The following LAMP1 variants were observed in gnomAD, a reference collection of about 807,000 sequenced individuals.
The protein encoded by LAMP1 is lysosome associated membrane protein 1.
LAMP1 carries 7 observed loss-of-function variants against 37.5 expected under a neutral mutation model. That is an observed-to-expected ratio of 0.19 (90% confidence interval 0.11 to 0.35). The LOEUF (loss-of-function observed/expected upper bound fraction) is 0.35, where lower values mean the gene tolerates loss of function less well. Ranked by LOEUF, LAMP1 falls within the 10% of genes least tolerant of loss-of-function variation. The pLI is 1.00. For missense variants in LAMP1, 537 were observed against 552.8 expected, an observed-to-expected ratio of 0.97 and a Z score of 0.29; for synonymous variants, 236 against 229.1, an observed-to-expected ratio of 1.03 and a Z score of -0.27.
chr13:113,317,696 C>CTT (rs1223185402), intron 4 of LAMP1, among the ~76,000 whole-genome samples: 18 of 133,392 alleles, frequency 1.3e-4, no homozygotes, highest in African/African-American at 2.0e-4. Flanking sequence ...CGTGAAGCTG[C>CTT]TTTTTTTTTT....
intron 4 of LAMP1, 52 bp downstream of exon 4, chr13:113,310,919 G>T (rs1010983527): frequency 6.6e-7 from 1 of 1,526,412 alleles, no homozygotes; most frequent in South Asian, 1.2e-5. Context: ...TAGCTGGGCT[G>T]CAGTGGCTGC....
intron 1 of LAMP1, among the ~76,000 whole-genome samples, chr13:113,304,371 T>C (rs1410611429): frequency 1.3e-5 from 2 of 152,248 alleles, no homozygotes; most frequent in South Asian, 2.1e-4. Flanking sequence ...CTGCTGTGTC[T>C]GCCTGTCCGC....
intron 1 of LAMP1, among the ~76,000 whole-genome samples, chr13:113,298,985 C>T (rs570461844): frequency 2.0e-5 from 3 of 152,118 alleles, no homozygotes; most frequent in African/African-American, 2.4e-5. Context: ...TACAAAAATA[C>T]AAAAATTAGC....
At chr13:113,313,647 G>A (rs12873200) in intron 4 of LAMP1, among the ~76,000 whole-genome samples, 14 of 145,578 alleles carry the variant, frequency 9.6e-5, no homozygotes, top group Admixed American at 5.5e-4. Context: ...GTGGCCTCCT[G>A]GAGGGAGTCA....
intron 1 of LAMP1, among the ~76,000 whole-genome samples, chr13:113,303,353 T>G (rs1416768530): frequency 2.6e-5 from 4 of 152,210 alleles, no homozygotes; most frequent in Non-Finnish European, 5.9e-5. Flanking sequence ...CTCCTTTATG[T>G]GATCCCTGGA....
Position 113,320,373 on chromosome 13 carries a change from C to G in LAMP1, c.779C>G (p.Pro260Arg). 1.9e-6 allele frequency: 3 copies of G among 1,613,994 alleles called. No homozygotes were observed. Among genetic ancestry groups the G allele is most frequent in the East Asian group, 2.2e-5 (1 of 44,882 alleles). The change falls in exon 6 of 9, where the codon CCC becomes CGC. Residue 260 changes from proline to arginine, a missense_variant. Physicochemically the swap from Pro to Arg is moderately radical, Grantham distance 103. Coordinates refer to ENST00000332556, the MANE Select transcript of LAMP1 (RefSeq NM_005561.4). The surrounding 1 kb of genome is among the most constrained non-coding windows in gnomAD (Gnocchi z 4.4). Reference protein sequence around the residue: ...TTVTRLLNINPNKTSASGSCG... With the variant: ...TTVTRLLNINRNKTSASGSCG... ...GTGACAAGGCTTCTCAACATCAACC[C>G]CAACAAGACCTCGGCCAGCGGGAGC...
Position 113,309,501 on chromosome 13 carries a change from A to G in LAMP1, c.184-142A>G, listed in dbSNP as rs1024582811. ...TGTAATACTAACCTTTTTTTGGTTT[A>G]TATTAAAAATGAGTACCTCAGTAGT... is the stretch of plus-strand genomic sequence containing the variant. On this transcript the variant is annotated intron_variant, in intron 2 of 8. Coordinates refer to ENST00000332556, the MANE Select transcript of LAMP1 (RefSeq NM_005561.4). The G allele has an allele frequency of 1.9e-5, 12 of 625,830 alleles. No individual in the cohort carries two copies. In the Admixed American group the frequency reaches 2.6e-4, roughly 14 times the overall value. The allele number at this position is 625,830 out of a possible 1,614,324, so 38.8% of individuals were successfully genotyped here.
In LAMP1 at chr13:113,321,856, T is replaced by C; in HGVS notation, c.1114+129T>C. 1.1e-6 allele frequency: 1 copy of C among 923,970 alleles called. No homozygotes were observed. The highest frequency in any genetic ancestry group is 1.6e-6 in the Non-Finnish European group (1 of 619,340). The allele number at this position is 923,970 out of a possible 1,614,324, so 57.2% of individuals were successfully genotyped here. The stretch of plus-strand genomic sequence containing the variant: ...TTCCTCTGCAAGGAGCTGTTTCTTC[T>C]TGCCGGTCTGAGATTCTAGAGGTAA... On this transcript the variant is annotated intron_variant, in intron 8 of 8. Transcript: ENST00000332556. This position sits in a 1 kb window ranked among gnomAD's most constrained non-coding sequence, Gnocchi z 5.6.
chr13:113,302,200 T>A (rs1042201417), intron 1 of LAMP1, among the ~76,000 whole-genome samples: 22 of 151,838 alleles, frequency 1.4e-4, no homozygotes, highest in African/African-American at 5.3e-4. Flanking sequence ...TTTTCTTCTT[T>A]TTTTGAGACA....
chr13:113,321,887 C>T lies in LAMP1; in HGVS notation c.1114+160C>T. ...GTCTGAGATTCTAGAGGTAACTCCC[C>T]CTGCTTTAGAGAGGCCCAGCGTGTC... On this transcript the variant is annotated intron_variant, in intron 8 of 8. Transcript: ENST00000332556. This position sits in a 1 kb window ranked among gnomAD's most constrained non-coding sequence, Gnocchi z 5.6. The T allele has an allele frequency of 1.4e-6, 1 of 708,332 alleles. No individual in the cohort carries two copies. Among genetic ancestry groups the T allele is most frequent in the Non-Finnish European group, 2.3e-6 (1 of 432,376 alleles). 43.9% of individuals were successfully genotyped at this position (708,332 alleles called of 1,614,324 possible).
At chr13:113,309,587 T>C (rs2042618109) in intron 2 of LAMP1, 56 bp from the exon 3 acceptor site, 1 of 1,352,660 alleles carries the variant, frequency 7.4e-7, no homozygotes, top group Admixed American at 2.0e-5. Context: ...TCTCTTTCTT[T>C]GAACTTTTAA....
intron 1 of LAMP1, among the ~76,000 whole-genome samples, chr13:113,304,235 G>A (rs1447222049): frequency 6.6e-6 from 1 of 152,200 alleles, no homozygotes; most frequent in Non-Finnish European, 1.5e-5. Context: ...CCAGCCTATG[G>A]CTGCTCCCAT....
At chr13:113,322,059 C>T (rs1019002123) in intron 8 of LAMP1, 1 of 586,160 alleles carries the variant, frequency 1.7e-6, no homozygotes, top group African/African-American at 1.9e-5. Flanking sequence ...CCGGCCACAG[C>T]CCCTGATTCC....
intron 2 of LAMP1, 127 bp from the exon 3 acceptor site, chr13:113,309,516 A>G: frequency 3.1e-6 from 2 of 655,054 alleles, no homozygotes; most frequent in South Asian, 2.3e-5. Context: ...AAAAATGAGT[A>G]CCTCAGTAGT....
intron 3 of LAMP1, among the ~76,000 whole-genome samples, 193 bp downstream of exon 3, chr13:113,310,055 AC>A (rs1313319902): frequency 6.6e-6 from 1 of 150,790 alleles, no homozygotes; most frequent in Non-Finnish European, 1.5e-5. Flanking sequence ...ATTGCGAAAC[AC>A]TGTCTCTACT....
Position 113,303,522 on chromosome 13 carries a change from C to CT in LAMP1, c.62-2950dup, listed in dbSNP as rs398056906. Among the ~76,000 whole-genome samples the CT allele has an allele frequency of 6.5e-3, 924 of 142,406 alleles. 11 individuals carry two copies. The East Asian group carries it at 0.066, about 10-fold the overall frequency. 93.4% of individuals were successfully genotyped at this position (142,406 alleles called of 152,430 possible). A position where few individuals can be genotyped will look rare whatever the true frequency, so the allele number is the denominator to read the frequency against. On this transcript the variant is annotated intron_variant, in intron 1 of 8. Transcript: ENST00000332556. Reference sequence around the variant, plus strand: ...TTGTAACTTACTTGAGGTTTTTTGTCTTTTTTTTTTTTTGCTACCCAGTTG... The same window carrying CT: ...TTGTAACTTACTTGAGGTTTTTTGTCTTTTTTTTTTTTTTGCTACCCAGTTG...
chr13:113,311,157 G>A lies in LAMP1; in HGVS notation c.562+290G>A, dbSNP rs565017617. ...CGTGGGAGCTAAAGCAGTGGGAGTCGGCGGGGGGCGGGTAGAGAGAGAGGT... is the reference window on the plus strand; with the variant it reads ...CGTGGGAGCTAAAGCAGTGGGAGTCAGCGGGGGGCGGGTAGAGAGAGAGGT... On this transcript the variant is annotated intron_variant, in intron 4 of 8. Coordinates refer to ENST00000332556, the MANE Select transcript of LAMP1 (RefSeq NM_005561.4). Among the ~76,000 whole-genome samples, 9 of 152,254 alleles carry A rather than the reference G, an allele frequency of 5.9e-5. No homozygotes were observed. The East Asian group carries it at 1.5e-3, about 26-fold the overall frequency.
At position 113,320,339 on chromosome 13, in the gene LAMP1, A is replaced by G. The variant is rs931970602; in HGVS notation, c.751-6A>G. ...GGGTGGTGACTTGCTTGCTTGTCTT[A>G]TGCAGACGGTGACAAGGCTTCTCAA... On this transcript the variant is annotated splice_polypyrimidine_tract_variant and splice_region_variant and intron_variant, in intron 5 of 8. Coordinates refer to ENST00000332556, the MANE Select transcript of LAMP1 (RefSeq NM_005561.4). The surrounding 1 kb of genome is among the most constrained non-coding windows in gnomAD (Gnocchi z 4.4). 3.1e-6 allele frequency: 5 copies of G among 1,613,990 alleles called. No homozygotes were observed. Among genetic ancestry groups the G allele is most frequent in the Non-Finnish European group, 4.2e-6 (5 of 1,180,016 alleles).
At chr13:113,316,086 G>T (rs1408766312) in intron 4 of LAMP1, among the ~76,000 whole-genome samples, 1 of 152,152 alleles carries the variant, frequency 6.6e-6, no homozygotes, top group African/African-American at 2.4e-5. Flanking sequence ...CCAGCTGACA[G>T]AGTGAGATTC....
Sources: gnomAD v4.1 joint callset for allele counts (sites outside exome capture counted in the v4.1 genomes callset) on GRCh38, gnomAD v4.1.1 for gene constraint, Gnocchi (gnomAD v3.1) non-coding constraint, MANE v1.5 for transcripts, NCBI Gene and HGNC (gene_info 2026-07-23, HGNC 2026-07-21) for gene names.